Variants in C2orf42 observed in about 807,000 individuals in gnomAD.
The protein encoded by C2orf42 is uncharacterized protein C2orf42.
Under a neutral mutation model 58.9 loss-of-function variants are expected in C2orf42, and 44 were observed. The observed-to-expected ratio is 0.75, with a 90% CI of 0.59 to 0.96. The LOEUF is 0.96. Ranked by LOEUF, C2orf42 falls within the 40% of genes least tolerant of loss-of-function variation. The pLI is 0.00. For missense variants in C2orf42, 630 were observed against 699.2 expected (o/e 0.90, Z 1.12); for synonymous variants, 239 against 265.4 (o/e 0.90, Z 0.97).
In C2orf42 at chr2:70,181,670, T is replaced by C. The variant is rs756930330; in HGVS notation, c.316A>G (p.Ile106Val). 3.7e-6 allele frequency: 6 copies of C among 1,614,032 alleles called. No individual in the cohort carries two copies. Among genetic ancestry groups the C allele is most frequent in the South Asian group, 1.1e-5 (1 of 91,078 alleles). ...CGTCCAGAGCTCAGCTGAGTGATGATCGTCCCATCCACTGTCTGGATTGTT... is the reference window on the plus strand; with the variant it reads ...CGTCCAGAGCTCAGCTGAGTGATGACCGTCCCATCCACTGTCTGGATTGTT... ...ETTIQTVDGT[I>V]ITQLSSGRCY... Residue 106 changes from isoleucine to valine, a missense_variant, in exon 3 of 10, where the codon ATC becomes GTC. Physicochemically the swap from Ile to Val is conservative, Grantham distance 29. Coordinates refer to ENST00000264434, the MANE Select transcript of C2orf42 (RefSeq NM_017880.3).
chr2:70,160,567 T>C (rs578224129), intron 9 of C2orf42, 58 bp downstream of exon 9: 4 of 1,208,048 alleles, frequency 3.3e-6, no homozygotes, highest in East Asian at 4.7e-5. Flanking sequence ...TTGGACAGTG[T>C]ACTGTACTGT....
At chr2:70,158,017 A>G (rs1027995048) in intron 9 of C2orf42, among the ~76,000 whole-genome samples, 8 of 151,914 alleles carry the variant, frequency 5.3e-5, no homozygotes, top group African/African-American at 1.9e-4. Context: ...CCTGGTTAAC[A>G]TGGTAAACCC....
At chr2:70,189,347 G>A (rs1414793935) in intron 1 of C2orf42, among the ~76,000 whole-genome samples, 53 of 143,022 alleles carry the variant, frequency 3.7e-4, no homozygotes, top group Non-Finnish European at 6.6e-4. Flanking sequence ...CAGAGGTTGC[G>A]GTGAGCCAAG....
Position 70,179,577 on chromosome 2 carries a change from A to G in C2orf42, c.889T>C (p.Ser297Pro). 2 of 1,569,732 alleles carry G rather than the reference A, an allele frequency of 1.3e-6. No individual in the cohort carries two copies. Among genetic ancestry groups the G allele is most frequent in the Non-Finnish European group, 1.8e-6 (2 of 1,140,358 alleles). The change falls in exon 4 of 10, where the codon TCT (serine) becomes CCT (proline). Residue 297 changes from serine to proline, a missense_variant. Transcript: ENST00000264434. The part of the protein sequence containing the change: ...HSESTVSACE[S>P]TASKSKKRRK... ...CTCTTCTTTGACTTAGAGGCAGTAG[A>G]CTCACAAGCAGATACTGTTGATTCT...
chr2:70,160,760 T>A lies in C2orf42; in HGVS notation c.1381A>T (p.Ile461Phe), dbSNP rs1558658300. ...TCATAAGTCCCATCTCGGTTCTGGATAAAGCTACGGGTGATTTCCAAGGGC... is the reference window on the plus strand; with the variant it reads ...TCATAAGTCCCATCTCGGTTCTGGAAAAAGCTACGGGTGATTTCCAAGGGC... The part of the protein sequence containing the change: ...EMPLEITRSF[I>F]QNRDGTYELF... Residue 461 changes from isoleucine to phenylalanine, a missense_variant, in exon 9 of 10, where the codon ATC becomes TTC. Ile to Phe is a conservative substitution (Grantham distance 21). Coordinates refer to ENST00000264434, the MANE Select transcript of C2orf42 (RefSeq NM_017880.3). 1 of 1,608,592 alleles carries A rather than the reference T, an allele frequency of 6.2e-7. No homozygotes were observed. The highest frequency in any genetic ancestry group is 8.5e-7 in the Non-Finnish European group (1 of 1,178,270).
rs540154561 is a variant in C2orf42 at position 70,180,913 on chromosome 2, G to C, written c.823+250C>G. 3.4e-5 allele frequency among the ~76,000 whole-genome samples: 5 copies of C among 146,776 alleles called. No individual in the cohort carries two copies. In the East Asian group the frequency reaches 1.1e-3, roughly 31 times the overall value. On this transcript the variant is annotated intron_variant, in intron 3 of 9. Coordinates refer to ENST00000264434, the MANE Select transcript of C2orf42 (RefSeq NM_017880.3). ...GCTATCTGCGGGGACTGAGGTGGTAGGATCTCGAGCCTGGGAGGTCAAGGC... is the reference window on the plus strand; with the variant it reads ...GCTATCTGCGGGGACTGAGGTGGTACGATCTCGAGCCTGGGAGGTCAAGGC...
intron 1 of C2orf42, among the ~76,000 whole-genome samples, chr2:70,183,273 T>TA (rs1320270223): frequency 2.0e-5 from 3 of 151,992 alleles, no homozygotes; most frequent in Non-Finnish European, 2.9e-5. Flanking sequence ...CTCATTTCTA[T>TA]AAAAAAATTT....
chr2:70,184,946 C>T (rs1459913452), intron 1 of C2orf42, among the ~76,000 whole-genome samples: 1 of 150,808 alleles, frequency 6.6e-6, no homozygotes, highest in African/African-American at 2.4e-5. Flanking sequence ...AAAAATTAGC[C>T]GGGCGTGGTG....
At chr2:70,175,121 TTTTG>T (rs1305672939) in intron 5 of C2orf42, among the ~76,000 whole-genome samples, 8 of 152,164 alleles carry the variant, frequency 5.3e-5, no homozygotes, top group Non-Finnish European at 8.8e-5. Context: ...TACACATATG[TTTTG>T]TTTGTTTGTT....
At chr2:70,184,119 A>G (rs1674766510) in intron 1 of C2orf42, among the ~76,000 whole-genome samples, 1 of 152,152 alleles carries the variant, frequency 6.6e-6, no homozygotes, top group Non-Finnish European at 1.5e-5. Flanking sequence ...TTTACTCAGT[A>G]AAAATTACAG....
chr2:70,180,472 G>A (rs374214999), intron 3 of C2orf42, among the ~76,000 whole-genome samples: 1 of 151,736 alleles, frequency 6.6e-6, no homozygotes, highest in Non-Finnish European at 1.5e-5. Context: ...GTCAGGCATG[G>A]TGGCAGGCGC....
chr2:70,174,327 A>C (rs975332575), intron 5 of C2orf42, among the ~76,000 whole-genome samples: 5 of 152,122 alleles, frequency 3.3e-5, no homozygotes, highest in African/African-American at 1.2e-4. Flanking sequence ...TAAATAAATA[A>C]AAATAAATAC....
chr2:70,157,551 C>T (rs1412251573), intron 9 of C2orf42, among the ~76,000 whole-genome samples: 2 of 152,180 alleles, frequency 1.3e-5, no homozygotes, highest in East Asian at 1.9e-4. Context: ...AATCCCAGAA[C>T]TTTGGGAGGC....
rs1672222693 is a variant in C2orf42 at position 70,150,280 on chromosome 2, C to T, written c.*76G>A. ...ACCAAGGAACAGGGCCATCTAAGTG[C>T]CTAACTAGCATTTAAAGTTGTCAAG... On this transcript the variant is annotated 3_prime_UTR_variant, in exon 10 of 10. Coordinates refer to ENST00000264434, the MANE Select transcript of C2orf42 (RefSeq NM_017880.3). 3 of 1,270,960 alleles carry T rather than the reference C, an allele frequency of 2.4e-6. No individual in the cohort carries two copies. In the East Asian group the frequency reaches 6.9e-5, roughly 29 times the overall value. 78.7% of individuals were successfully genotyped at this position (1,270,960 alleles called of 1,614,324 possible). A position where few individuals can be genotyped will look rare whatever the true frequency, so the allele number is the denominator to read the frequency against.
intron 4 of C2orf42, among the ~76,000 whole-genome samples, chr2:70,178,000 C>T (rs1362659997): frequency 3.9e-5 from 6 of 152,088 alleles, no homozygotes; most frequent in African/African-American, 1.4e-4. Context: ...TGATTGTGCC[C>T]CTGCACTCCA....
chr2:70,172,972 G>A (rs1342533663), intron 5 of C2orf42, among the ~76,000 whole-genome samples: 1 of 152,030 alleles, frequency 6.6e-6, no homozygotes, highest in Non-Finnish European at 1.5e-5. Flanking sequence ...AGAGCAGCCT[G>A]GCCAACATAG....
At chr2:70,163,496 C>T (rs933116324) in intron 8 of C2orf42, among the ~76,000 whole-genome samples, 1 of 151,402 alleles carries the variant, frequency 6.6e-6, no homozygotes, top group South Asian at 2.1e-4. Context: ...CCACCCGCCT[C>T]GGCCTCCCAA....
intron 1 of C2orf42, among the ~76,000 whole-genome samples, chr2:70,185,796 C>CAT (rs142755089): frequency 0.029 from 4,327 of 149,676 alleles, 179 homozygotes; most frequent in African/African-American, 0.098. Context: ...TACACACACA[C>CAT]ATATATATAT....
chr2:70,174,836 A>G (rs559253409), intron 5 of C2orf42, among the ~76,000 whole-genome samples: 16 of 151,992 alleles, frequency 1.1e-4, no homozygotes, highest in African/African-American at 3.9e-4. Context: ...ACATCTGGCT[A>G]ATTTTTTCTA....
Sources: gnomAD v4.1 joint callset for allele counts (sites outside exome capture counted in the v4.1 genomes callset) on GRCh38, gnomAD v4.1.1 for gene constraint, MANE v1.5 for transcripts, NCBI Gene and HGNC (gene_info 2026-07-23, HGNC 2026-07-21) for gene names.